The following PARP1 variants were observed in gnomAD, a reference collection of about 807,000 sequenced individuals.
PARP1 encodes poly [ADP-ribose] polymerase 1.
Under a neutral mutation model 118.7 loss-of-function variants are expected in PARP1, and 44 were observed. The observed-to-expected ratio is 0.37, with a 90% CI of 0.29 to 0.48. PARP1 has a LOEUF of 0.48. Among genes scored for constraint, PARP1 ranks in the 20% least tolerant of loss-of-function variants. The pLI, the probability that PARP1 is intolerant of heterozygous loss-of-function variation, is 0.99. For missense variants in PARP1, 1,100 were observed against 1,272.4 expected (o/e 0.86, Z 2.06); for synonymous variants, 492 against 483.2 (o/e 1.02, Z -0.24).
At chr1:226,403,748 T>C (rs1411367707) in intron 1 of PARP1, among the ~76,000 whole-genome samples, 1 of 152,180 alleles carries the variant, frequency 6.6e-6, no homozygotes, top group Non-Finnish European at 1.5e-5. Flanking sequence ...TACTTAAAAA[T>C]ACACCAACTG....
chr1:226,362,463 A>G (rs1356850414), intron 21 of PARP1, among the ~76,000 whole-genome samples: 1 of 152,182 alleles, frequency 6.6e-6, no homozygotes, highest in Non-Finnish European at 1.5e-5. Context: ...TTTTAAAGAC[A>G]TGCTCTATCT....
chr1:226,404,577 G>A (rs3754370), intron 1 of PARP1, among the ~76,000 whole-genome samples: 34,307 of 152,156 alleles, frequency 0.23, 4,649 homozygotes, highest in African/African-American at 0.37. Flanking sequence ...ACACCCTGGA[G>A]GTGCTGCCCA....
intron 2 of PARP1, among the ~76,000 whole-genome samples, chr1:226,401,582 C>T (rs1444004393): frequency 6.6e-6 from 1 of 152,204 alleles, no homozygotes; most frequent in Admixed American, 6.5e-5. Context: ...TGGAAAGCTG[C>T]TTCGTCCCTG....
At chr1:226,372,092 C>T (rs535338989) in intron 14 of PARP1, among the ~76,000 whole-genome samples, 21 of 152,198 alleles carry the variant, frequency 1.4e-4, no homozygotes, top group Non-Finnish European at 2.9e-5. Flanking sequence ...CTGCCCCCTG[C>T]CATGTGTCGT....
chr1:226,361,897 G>T (rs1664146946), intron 22 of PARP1, 72 bp downstream of exon 22: 1 of 917,714 alleles, frequency 1.1e-6, no homozygotes, highest in Non-Finnish European at 1.8e-6. Flanking sequence ...CAGGTAATCT[G>T]ACAGCACATA....
At chr1:226,365,251 G>C in intron 18 of PARP1, 97 bp from the exon 19 acceptor site, 13 of 1,343,316 alleles carry the variant, frequency 9.7e-6, no homozygotes, top group Non-Finnish European at 1.4e-5. Flanking sequence ...ATGACCGGCT[G>C]TCCCTAAGGC....
chr1:226,382,606 A>G (rs1664638130), intron 8 of PARP1, among the ~76,000 whole-genome samples: 2 of 152,228 alleles, frequency 1.3e-5, no homozygotes, highest in East Asian at 3.8e-4. Context: ...AGCTCAGTGC[A>G]GCCTTGACCT....
Position 226,385,692 on chromosome 1 carries a change from G to A in PARP1, c.835-12C>T. 1.2e-6 allele frequency: 2 copies of A among 1,613,526 alleles called. No individual in the cohort carries two copies. The highest frequency in any genetic ancestry group is 8.5e-7 in the Non-Finnish European group (1 of 1,179,464). On this transcript the variant is annotated splice_polypyrimidine_tract_variant and intron_variant, in intron 6 of 22. Transcript: ENST00000366794. ...ACTCGGTCCAAGATCTGCAGCCAGTGGAGAAACATGTCAGAGGGCAAATGC... is the reference window on the plus strand; with the variant it reads ...ACTCGGTCCAAGATCTGCAGCCAGTAGAGAAACATGTCAGAGGGCAAATGC...
chr1:226,372,051 G>A (rs1205454193), intron 14 of PARP1, among the ~76,000 whole-genome samples: 2 of 152,246 alleles, frequency 1.3e-5, no homozygotes, highest in Non-Finnish European at 2.9e-5. Context: ...CTGCAGCCAG[G>A]AGGAGGCTTC....
intron 5 of PARP1, among the ~76,000 whole-genome samples, chr1:226,387,834 C>A (rs1664745502): frequency 6.6e-6 from 1 of 152,180 alleles, no homozygotes; most frequent in Non-Finnish European, 1.5e-5. Context: ...TGAAGTGGCA[C>A]CACAGTTCTC....
chr1:226,364,051 T>C lies in PARP1; in HGVS notation c.2678A>G (p.Lys893Arg). The C allele has an allele frequency of 6.2e-7, 1 of 1,614,056 alleles. No individual in the cohort carries two copies. Among genetic ancestry groups the C allele is most frequent in the Non-Finnish European group, 8.5e-7 (1 of 1,179,916 alleles). Residue 893 changes from lysine (K) to arginine (R), a missense_variant, in exon 20 of 23, where the codon AAA becomes AGA. Lys to Arg is a conservative substitution (Grantham distance 26). Transcript: ENST00000366794. ...GACCATGTCAGCGAAATAGATCCCT[T>C]TACCAAACATGTAGCCTGTCTGGAA... ...EAPVTGYMFGKGIYFADMVSK... is the reference protein window; with the variant it reads ...EAPVTGYMFGRGIYFADMVSK...
intron 22 of PARP1, 137 bp from the exon 23 acceptor site, chr1:226,361,678 C>T: frequency 1.4e-6 from 1 of 732,114 alleles, no homozygotes; most frequent in Non-Finnish European, 2.5e-6. Context: ...GCTGGGTTGC[C>T]TCATCTCCCC....
At chr1:226,369,101 A>G (rs532175881) in intron 15 of PARP1, among the ~76,000 whole-genome samples, 1 of 152,360 alleles carries the variant, frequency 6.6e-6, no homozygotes, top group East Asian at 1.9e-4. Context: ...ATGCTATTCC[A>G]GCTCTTCTTC....
In PARP1 at chr1:226,368,320, G is replaced by A. The variant is rs759524114; in HGVS notation, c.2156C>T (p.Ala719Val). Residue 719 changes from alanine (A) to valine (V), a missense_variant and splice_region_variant, in exon 16 of 23, where the codon GCG (alanine) becomes GTG (valine). Physicochemically the swap from Ala to Val is moderately conservative, Grantham distance 64. Around this residue, in one of 2 missense-constraint regions of PARP1, gnomAD observed 948 missense variants for 1,031.8 expected, o/e 0.92. Transcript: ENST00000366794. ...AYSILSEVQQ[A>V]VSQGSSDSQI... ...AGAGTCGCTGCTGCCCTGAGACACC[G>A]CCTGGAGAGGAGGGGACAGAAGGAA... 8.7e-6 allele frequency: 14 copies of A among 1,614,166 alleles called. No individual in the cohort carries two copies. Among genetic ancestry groups the A allele is most frequent in the Admixed American group, 1.7e-5 (1 of 60,034 alleles).
chr1:226,382,503 G>GT (rs1558238007), intron 8 of PARP1, among the ~76,000 whole-genome samples: 1 of 152,184 alleles, frequency 6.6e-6, no homozygotes, highest in South Asian at 2.1e-4. Context: ...GCCTCCCAGA[G>GT]TAAGAGCTGC....
chr1:226,392,297 T>C lies in PARP1; in HGVS notation c.304A>G (p.Ile102Val), dbSNP rs1558241042. 1 of 1,613,772 alleles carries C rather than the reference T, an allele frequency of 6.2e-7. No individual in the cohort carries two copies. The highest frequency in any genetic ancestry group is 8.5e-7 in the Non-Finnish European group (1 of 1,179,784). Residue 102 changes from isoleucine (I) to valine (V), a missense_variant, in exon 3 of 23, where the codon ATT becomes GTT. Ile to Val is a conservative substitution (Grantham distance 29). Transcript: ENST00000366794. ...GGVTGKGQDG[I>V]GSKAEKTLGD... ...AGAGTCTTCTCTGCCTTGCTACCAATTCCATCCTGGCCTTTGCCTGGAGAA... is the reference window on the plus strand; with the variant it reads ...AGAGTCTTCTCTGCCTTGCTACCAACTCCATCCTGGCCTTTGCCTGGAGAA...
chr1:226,377,308 A>C lies in PARP1; in HGVS notation c.1746-5T>G, dbSNP rs757090772. On this transcript the variant is annotated splice_polypyrimidine_tract_variant and splice_region_variant and intron_variant, in intron 12 of 22. Transcript: ENST00000366794. ...CAGGACCTGAATATCCAATACCTGC[A>C]GTGGGAAGGAGGGTGTCAGATACAC... 1.2e-6 allele frequency: 2 copies of C among 1,611,712 alleles called. No homozygotes were observed. Among genetic ancestry groups the C allele is most frequent in the Non-Finnish European group, 1.7e-6 (2 of 1,177,944 alleles).
intron 1 of PARP1, among the ~76,000 whole-genome samples, chr1:226,407,398 C>T (rs1381679035): frequency 1.3e-5 from 2 of 150,200 alleles, no homozygotes; most frequent in Non-Finnish European, 3.0e-5. Context: ...ACCCACATGT[C>T]AGTCGCCACC....
At chr1:226,401,968 T>A in intron 2 of PARP1, 1 of 1,446,522 alleles carries the variant, frequency 6.9e-7, no homozygotes. Flanking sequence ...AAATAAAGTA[T>A]ATTAAAAACA....
Sources: gnomAD v4.1 joint callset for allele counts (sites outside exome capture counted in the v4.1 genomes callset) on GRCh38, gnomAD v4.1.1 for gene constraint, gnomAD v4.1.1 regional missense constraint, MANE v1.5 for transcripts, NCBI Gene and HGNC (gene_info 2026-07-23, HGNC 2026-07-21) for gene names.